Variants in CFAP69 observed in about 807,000 individuals in gnomAD.
CFAP69 encodes the protein cilia and flagella associated protein 69.
Under a neutral mutation model 123.0 loss-of-function variants are expected in CFAP69, and 92 were observed. The ratio of observed to expected loss-of-function variants is 0.75; its 90% CI spans 0.63 to 0.89. CFAP69 has a LOEUF of 0.89. Ranked by LOEUF, CFAP69 falls within the 40% of genes least tolerant of loss-of-function variation. The pLI, the probability that CFAP69 is intolerant of heterozygous loss-of-function variation, is 0.00. For synonymous variants in CFAP69, 380 were observed against 364.3 expected, an observed-to-expected ratio of 1.04 and a Z score of -0.49; for missense variants, 1,067 against 1,096.9, an observed-to-expected ratio of 0.97 and a Z score of 0.39.
intron 1 of CFAP69, among the ~76,000 whole-genome samples, chr7:90,253,750 G>T (rs1220699474): frequency 6.6e-6 from 1 of 152,030 alleles, no homozygotes; most frequent in Non-Finnish European, 1.5e-5. Context: ...TTGTCAGATG[G>T]ATAGGTTGCA....
At chr7:90,300,219 A>G (rs1226020033) in intron 17 of CFAP69, 160 bp downstream of exon 17, 19 of 1,134,718 alleles carry the variant, frequency 1.7e-5, no homozygotes, top group Non-Finnish European at 2.1e-5. Flanking sequence ...AGTGACTGGA[A>G]GAAAACTAAG....
Position 90,277,333 on chromosome 7 carries a change from A to T in CFAP69, c.1154A>T (p.Gln385Leu). ...VILCKDLPTV[Q>L]LLIDGKVILA... ...TTATGTAAAGATTTACCTACTGTAC[A>T]GGTAAAGAGTAATCAAGGCAGGAAA... Residue 385 changes from glutamine (Q) to leucine (L), a missense_variant and splice_region_variant, in exon 11 of 23, where the codon CAG (glutamine) becomes CTG (leucine). Gln to Leu is a moderately radical substitution (Grantham distance 113). Transcript: ENST00000389297. The T allele has an allele frequency of 6.6e-7, 1 of 1,513,004 alleles. No individual in the cohort carries two copies. The highest frequency in any genetic ancestry group is 8.8e-7 in the Non-Finnish European group (1 of 1,135,508). The allele number at this position is 1,513,004 out of a possible 1,614,324, so 93.7% of individuals were successfully genotyped here.
In CFAP69 at chr7:90,286,369, T is replaced by G. The variant is rs1254913765; in HGVS notation, c.1626T>G (p.Ser542=). The G allele has an allele frequency of 6.2e-7, 1 of 1,612,050 alleles. No homozygotes were observed. The highest frequency in any genetic ancestry group is 8.5e-7 in the Non-Finnish European group (1 of 1,179,312). The change falls in exon 14 of 23, where the codon TCT becomes TCG. Residue 542 remains serine, a synonymous_variant. Transcript: ENST00000389297. ...AGTCTGATATATTACTTATCCTATC[T>G]GGCCTTTGTGAGAATCACATTCAAA... ...EIQSDILLIL[S]GLCENHIQRK...
At chr7:90,300,635 C>A in intron 17 of CFAP69, 3 of 310,940 alleles carry the variant, frequency 9.6e-6, no homozygotes, top group Non-Finnish European at 9.3e-6. Context: ...TGCTATATTA[C>A]ATTTTTTTCT....
In CFAP69 at chr7:90,307,631, A is replaced by G. The variant is rs887802455; in HGVS notation, c.2464-137A>G. On this transcript the variant is annotated intron_variant, in intron 20 of 22. Coordinates refer to ENST00000389297, the MANE Select transcript of CFAP69 (RefSeq NM_001039706.3). The stretch of plus-strand genomic sequence containing the variant: ...TTTTGCATTATAATTTTATTTCTAC[A>G]GTCTTAAATTTTTAAAAGGCAGAGA... 4 of 534,066 alleles carry G rather than the reference A, an allele frequency of 7.5e-6. No homozygotes were observed. In the African/African-American group the frequency reaches 7.9e-5, roughly 11 times the overall value. The allele number at this position is 534,066 out of a possible 1,614,324, so 33.1% of individuals were successfully genotyped here. A position where few individuals can be genotyped will look rare whatever the true frequency, so the allele number is the denominator to read the frequency against.
chr7:90,265,877 A>T (rs1265214417), intron 5 of CFAP69, among the ~76,000 whole-genome samples: 1 of 152,162 alleles, frequency 6.6e-6, no homozygotes, highest in Non-Finnish European at 1.5e-5. Context: ...GAAAAATATC[A>T]TAAAAGGGTA....
At chr7:90,294,230 A>G (rs962698169) in intron 15 of CFAP69, among the ~76,000 whole-genome samples, 7 of 152,350 alleles carry the variant, frequency 4.6e-5, no homozygotes, top group Admixed American at 1.3e-4. Flanking sequence ...TTATGACCGT[A>G]AAGTATTTGG....
At chr7:90,290,745 CTT>C (rs900074268) in intron 15 of CFAP69, among the ~76,000 whole-genome samples, 1 of 662 alleles carries the variant, frequency 1.5e-3, no homozygotes, top group African/African-American at 5.1e-3. Context: ...GAAACAATGT[CTT>C]TTCTTTTCTT....
At chr7:90,264,128 T>G (rs1230486255) in intron 4 of CFAP69, among the ~76,000 whole-genome samples, 1 of 93,210 alleles carries the variant, frequency 1.1e-5, no homozygotes, top group Non-Finnish European at 2.2e-5. Flanking sequence ...TATATATATA[T>G]ATATATATAT....
Position 90,307,108 on chromosome 7 carries a change from A to G in CFAP69, c.2463+10A>G, listed in dbSNP as rs1250824886. On this transcript the variant is annotated intron_variant, in intron 20 of 22. Transcript: ENST00000389297. ...AAAAGTATATGCAAAAGTAAGCTACATAGGTAGTGAGGAGGGAGAATGAAG... is the reference window on the plus strand; with the variant it reads ...AAAAGTATATGCAAAAGTAAGCTACGTAGGTAGTGAGGAGGGAGAATGAAG... 8 of 1,604,148 alleles carry G rather than the reference A, an allele frequency of 5.0e-6. No individual in the cohort carries two copies. The African/African-American group carries it at 1.1e-4, about 22-fold the overall frequency.
At chr7:90,291,984 G>A (rs1791269362) in intron 15 of CFAP69, among the ~76,000 whole-genome samples, 1 of 152,134 alleles carries the variant, frequency 6.6e-6, no homozygotes, top group African/African-American at 2.4e-5. Flanking sequence ...AAACAAACTT[G>A]AAAACAGCTG....
chr7:90,310,316 A>G lies in CFAP69; in HGVS notation c.*78A>G. The G allele has an allele frequency of 5.5e-6, 4 of 733,928 alleles. No homozygotes were observed. In the South Asian group the frequency reaches 1.9e-4, roughly 36 times the overall value. 45.5% of individuals were successfully genotyped at this position (733,928 alleles called of 1,614,324 possible). On this transcript the variant is annotated 3_prime_UTR_variant, in exon 23 of 23. Transcript: ENST00000389297. ...TATATCTTTATACATATGTAAAGCC[A>G]ATATTTTAGAATAAGTATTTTAGTA... is the stretch of plus-strand genomic sequence containing the variant.
chr7:90,277,785 T>A (rs1788826178), intron 11 of CFAP69, among the ~76,000 whole-genome samples: 1 of 152,170 alleles, frequency 6.6e-6, no homozygotes, highest in East Asian at 1.9e-4. Flanking sequence ...TTACTCTCTA[T>A]GAATTTATCT....
chr7:90,287,561 G>A (rs1323675800), intron 14 of CFAP69: 9 of 985,008 alleles, frequency 9.1e-6, no homozygotes, highest in Non-Finnish European at 1.1e-5. Context: ...AGCAAGGGAT[G>A]GAATTGGAAA....
chr7:90,263,135 C>T (rs1056200261), intron 4 of CFAP69, among the ~76,000 whole-genome samples: 18 of 152,164 alleles, frequency 1.2e-4, no homozygotes, highest in Non-Finnish European at 2.2e-4. Flanking sequence ...TATGCTCCTA[C>T]AGAGCTCTGC....
chr7:90,268,436 A>T (rs1033168556), intron 6 of CFAP69, 52 bp downstream of exon 6: 7 of 1,280,278 alleles, frequency 5.5e-6, no homozygotes, highest in Non-Finnish European at 7.8e-6. Flanking sequence ...AGAAAACAGA[A>T]CATTCTCATA....
At chr7:90,295,991 C>T (rs893529465) in intron 15 of CFAP69, among the ~76,000 whole-genome samples, 3 of 152,100 alleles carry the variant, frequency 2.0e-5, no homozygotes, top group African/African-American at 4.8e-5. Context: ...TTTACTGCAA[C>T]CTGTTTTATC....
intron 1 of CFAP69, among the ~76,000 whole-genome samples, chr7:90,254,004 GA>G (rs1562837760): frequency 6.6e-6 from 1 of 152,012 alleles, no homozygotes; most frequent in Non-Finnish European, 1.5e-5. Context: ...ATTTTGATTT[GA>G]TTTTTTTATT....
chr7:90,318,794 A>C, the CFAP69 span: 2 of 152,168 alleles, frequency 1.3e-5, no homozygotes, highest in Non-Finnish European at 2.9e-5. Flanking sequence ...TTGTATAACT[A>C]TGACAAGAAA....
Sources: gnomAD v4.1 joint callset for allele counts (sites outside exome capture counted in the v4.1 genomes callset) on GRCh38, gnomAD v4.1.1 for gene constraint, MANE v1.5 for transcripts, NCBI Gene and HGNC (gene_info 2026-07-23, HGNC 2026-07-21) for gene names.